GALNT14: variants seen among roughly 807,000 people sequenced by gnomAD.
GALNT14 encodes UDP-GalNAc:polypeptide N-acetylgalactosaminyltransferase 14.
Under a neutral mutation model 77.5 loss-of-function variants are expected in GALNT14, and 60 were observed. The observed-to-expected ratio is 0.77, with a 90% CI of 0.63 to 0.96. The LOEUF (loss-of-function observed/expected upper bound fraction) is 0.96. Among genes scored for constraint, GALNT14 ranks in the 40% least tolerant of loss-of-function variants. GALNT14 has a pLI of 0.00. For missense variants in GALNT14, 710 were observed against 731.0 expected (o/e 0.97, Z 0.33); for synonymous variants, 280 against 281.7 (o/e 0.99, Z 0.06).
chr2:30,951,110 C>T (rs1332275991), intron 6 of GALNT14, among the ~76,000 whole-genome samples: 1 of 152,120 alleles, frequency 6.6e-6, no homozygotes, highest in Non-Finnish European at 1.5e-5. Context: ...AACTTGTACA[C>T]AAATATTTAT....
intron 1 of GALNT14, among the ~76,000 whole-genome samples, chr2:31,090,589 A>G (rs1300700751): frequency 5.4e-5 from 8 of 148,348 alleles, no homozygotes; most frequent in African/African-American, 1.8e-4. Context: ...TTCTGGGTTC[A>G]AGTCATTCTC....
chr2:31,019,219 G>A (rs116586604), intron 1 of GALNT14, among the ~76,000 whole-genome samples: 117 of 152,242 alleles, frequency 7.7e-4, no homozygotes, highest in African/African-American at 2.3e-3. Flanking sequence ...ACAGAACTGC[G>A]ATGCCTCCAC....
rs1665580789 is a variant in GALNT14 at position 30,929,316 on chromosome 2, A to T, written c.1151+79T>A. The T allele has an allele frequency of 4.5e-6, 5 of 1,100,452 alleles. No individual in the cohort carries two copies. In the Admixed American group the frequency reaches 7.4e-5, roughly 16 times the overall value. The allele number at this position is 1,100,452 out of a possible 1,614,324, so 68.2% of individuals were successfully genotyped here. On this transcript the variant is annotated intron_variant, in intron 11 of 14. Transcript: ENST00000349752. Reference sequence around the variant, plus strand: ...TGAGGGTAGCTAAGCTGACTGGCCTATCGGCACCCATTTGCATCGGTCCTA... The same window carrying T: ...TGAGGGTAGCTAAGCTGACTGGCCTTTCGGCACCCATTTGCATCGGTCCTA...
chr2:30,959,910 G>A (rs916889022), intron 3 of GALNT14, among the ~76,000 whole-genome samples: 1 of 152,182 alleles, frequency 6.6e-6, no homozygotes, highest in African/African-American at 2.4e-5. Flanking sequence ...TGGAGAGGGG[G>A]TTCAGAATGG....
chr2:30,923,800 C>A lies in GALNT14; in HGVS notation c.1380+319G>T, dbSNP rs1024044534. 2.0e-5 allele frequency among the ~76,000 whole-genome samples: 3 copies of A among 152,322 alleles called. No individual in the cohort carries two copies. The East Asian group carries it at 5.8e-4, about 29-fold the overall frequency. On this transcript the variant is annotated intron_variant, in intron 13 of 14. Coordinates refer to ENST00000349752, the MANE Select transcript of GALNT14 (RefSeq NM_024572.4). ...TAGCTGTGCCATTGGCCTTGCCTGA[C>A]CCTGCCCACGGTTGCTGCCAGCAGG... is the stretch of plus-strand genomic sequence containing the variant.
intron 9 of GALNT14, among the ~76,000 whole-genome samples, chr2:30,936,464 C>A (rs1043742822): frequency 6.6e-6 from 1 of 152,154 alleles, no homozygotes; most frequent in Non-Finnish European, 1.5e-5. Flanking sequence ...TTAAATGGAG[C>A]CTCGTATAAT....
chr2:31,027,999 ATAGC>A (rs747842901), intron 1 of GALNT14, among the ~76,000 whole-genome samples: 1 of 152,058 alleles, frequency 6.6e-6, no homozygotes, highest in Non-Finnish European at 1.5e-5. Context: ...GACTTAGTCC[ATAGC>A]TAATGAGCAT....
chr2:30,896,388 C>G, the GALNT14 span, among the ~76,000 whole-genome samples: 93 of 152,304 alleles, frequency 6.1e-4, no homozygotes, highest in African/African-American at 2.1e-3. Flanking sequence ...GAGCCTAGAA[C>G]CAGAACCCAG....
chr2:31,123,109 G>C (rs1329698269), intron 1 of GALNT14, among the ~76,000 whole-genome samples: 1 of 149,962 alleles, frequency 6.7e-6, no homozygotes, highest in African/African-American at 2.5e-5. Flanking sequence ...ATGAACTCAG[G>C]AGGCGGAGCT....
intron 1 of GALNT14, among the ~76,000 whole-genome samples, chr2:31,078,508 T>A (rs891307437): frequency 6.6e-6 from 1 of 152,034 alleles, no homozygotes; most frequent in African/African-American, 2.4e-5. Flanking sequence ...GAATAAAGGA[T>A]CTAAGTCTGA....
rs540260787 is a variant in GALNT14 at position 31,012,700 on chromosome 2, A to AAACATG, written c.130-19699_130-19694dup. ...CAAAGGAACTGCATGGCAATGATGC[A>AAACATG]AACATGCCCCTGTGTGGGTGGGGCC... On this transcript the variant is annotated intron_variant, in intron 1 of 14. Coordinates refer to ENST00000349752, the MANE Select transcript of GALNT14 (RefSeq NM_024572.4). Among the ~76,000 whole-genome samples the AAACATG allele has an allele frequency of 2.0e-3, 304 of 152,312 alleles. 2 individuals carry two copies. Among genetic ancestry groups the AAACATG allele is most frequent in the African/African-American group, 6.9e-3 (285 of 41,568 alleles).
intron 1 of GALNT14, among the ~76,000 whole-genome samples, chr2:31,085,559 C>T (rs13035341): frequency 0.49 from 75,246 of 152,152 alleles, 19,297 homozygotes; most frequent in African/African-American, 0.6. Flanking sequence ...CTCCATGCCA[C>T]GGCACCTGGG....
the GALNT14 span, among the ~76,000 whole-genome samples, chr2:30,894,718 G>A: frequency 1.3e-5 from 2 of 152,200 alleles, no homozygotes; most frequent in East Asian, 3.9e-4. Context: ...TTACCCTGAA[G>A]CTGCCTTGGT....
chr2:31,004,137 C>T (rs1441887534), intron 1 of GALNT14, among the ~76,000 whole-genome samples: 1 of 152,218 alleles, frequency 6.6e-6, no homozygotes, highest in African/African-American at 2.4e-5. Flanking sequence ...TTCTGCATCC[C>T]CTTCTCTTTG....
chr2:30,908,808 A>G (rs1298706372), downstream of GALNT14, among the ~76,000 whole-genome samples: 1 of 145,590 alleles, frequency 6.9e-6, no homozygotes, highest in Non-Finnish European at 1.5e-5. Flanking sequence ...ACTTCAAACT[A>G]TACTACAAGG....
At chr2:31,077,172 A>G (rs1408431367) in intron 1 of GALNT14, among the ~76,000 whole-genome samples, 1 of 152,214 alleles carries the variant, frequency 6.6e-6, no homozygotes, top group Non-Finnish European at 1.5e-5. Context: ...CACTTTACAG[A>G]TAAGTAAAAC....
At chr2:31,073,814 C>A (rs937118507) in intron 1 of GALNT14, among the ~76,000 whole-genome samples, 10 of 152,090 alleles carry the variant, frequency 6.6e-5, no homozygotes, top group African/African-American at 2.2e-4. Flanking sequence ...ATATCATTAG[C>A]CTCTGTGGGC....
downstream of GALNT14, among the ~76,000 whole-genome samples, chr2:30,909,986 C>T (rs1558392872): frequency 6.8e-6 from 1 of 147,174 alleles, no homozygotes; most frequent in Admixed American, 7.1e-5. Context: ...CACATATTCT[C>T]ACTCACAGGT....
intron 1 of GALNT14, among the ~76,000 whole-genome samples, chr2:31,016,054 A>G (rs552694276): frequency 6.6e-6 from 1 of 152,310 alleles, no homozygotes; most frequent in Non-Finnish European, 1.5e-5. Flanking sequence ...GCCCTTCTGC[A>G]TGGATCCGCT....
Sources: allele counts gnomAD v4.1 joint callset (sites outside exome capture counted in the v4.1 genomes callset), GRCh38; gene constraint gnomAD v4.1.1; transcripts MANE v1.5; gene names NCBI Gene and HGNC (gene_info 2026-07-23, HGNC 2026-07-21).